FREM2: variants seen among roughly 807,000 people sequenced by gnomAD.
The protein encoded by FREM2 is FRAS1 related extracellular matrix 2.
A neutral mutation model predicts 219.9 loss-of-function variants in FREM2; 119 were observed. The ratio of observed to expected loss-of-function variants is 0.54; its 90% CI spans 0.47 to 0.63. FREM2 has a LOEUF of 0.63. Among genes scored for constraint, FREM2 ranks in the 30% least tolerant of loss-of-function variants. The pLI is 0.00. For missense variants in FREM2, 4,030 were observed against 3,993.6 expected (o/e 1.01, Z -0.25); for synonymous variants, 1,562 against 1,522.8 (o/e 1.03, Z -0.60).
At position 38,866,621 on chromosome 13, in the gene FREM2, C is replaced by T. The variant is rs192129521; in HGVS notation, c.7983+2015C>T. On this transcript the variant is annotated intron_variant, in intron 16 of 23. Coordinates refer to ENST00000280481, the MANE Select transcript of FREM2 (RefSeq NM_207361.6). The stretch of plus-strand genomic sequence containing the variant: ...GGCGGAGGTTGTGGTGAGCCGAGAT[C>T]GCGCCATTGCACTCCAGCCTGGGCA... 2.9e-4 allele frequency among the ~76,000 whole-genome samples: 44 copies of T among 150,394 alleles called. 1 individual carries two copies. In the East Asian group the frequency reaches 7.6e-3, roughly 26 times the overall value.
intron 16 of FREM2, 151 bp downstream of exon 16, chr13:38,864,757 G>A (rs866155621): frequency 1.4e-6 from 1 of 716,952 alleles, no homozygotes. Flanking sequence ...GGCATGGATG[G>A]TGTGAAAATC....
intron 2 of FREM2, among the ~76,000 whole-genome samples, chr13:38,755,440 G>A (rs1872958648): frequency 6.6e-6 from 1 of 152,092 alleles, no homozygotes; most frequent in Non-Finnish European, 1.5e-5. Flanking sequence ...GTGCTGCTTG[G>A]CCCCTGGTGT....
chr13:38,851,088 G>T lies in FREM2; in HGVS notation c.6722G>T (p.Arg2241Met). The change falls in exon 10 of 24, where the codon AGG (arginine) becomes ATG (methionine). Residue 2241 changes from arginine to methionine, a missense_variant. Coordinates refer to ENST00000280481, the MANE Select transcript of FREM2 (RefSeq NM_207361.6). The part of the protein sequence containing the change: ...AVGEQNETLI[R>M]IRDDADKTVI... Reference sequence around the variant, plus strand: ...GGTGAACAAAATGAAACTCTCATAAGGATCCGAGATGATGCTGATAGTAAG... The same window carrying T: ...GGTGAACAAAATGAAACTCTCATAATGATCCGAGATGATGCTGATAGTAAG... 2 of 1,613,854 alleles carry T rather than the reference G, an allele frequency of 1.2e-6. No homozygotes were observed. The highest frequency in any genetic ancestry group is 1.7e-6 in the Non-Finnish European group (2 of 1,179,952).
intron 2 of FREM2, among the ~76,000 whole-genome samples, chr13:38,758,321 C>T (rs561260046): frequency 6.6e-4 from 101 of 152,208 alleles, no homozygotes; most frequent in Non-Finnish European, 1.3e-3. Flanking sequence ...CTTCCAGGAA[C>T]GCCTTCCCCT....
At chr13:38,725,668 T>C (rs1414827308) in intron 2 of FREM2, among the ~76,000 whole-genome samples, 1 of 152,192 alleles carries the variant, frequency 6.6e-6, no homozygotes, top group East Asian at 1.9e-4. Context: ...AGCCTGTCAT[T>C]CAGACCCGTT....
chr13:38,864,274 G>A lies in FREM2; in HGVS notation c.7652-1G>A. On this transcript the variant is annotated splice_acceptor_variant, in intron 15 of 23. Coordinates refer to ENST00000280481, the MANE Select transcript of FREM2 (RefSeq NM_207361.6). LOFTEE classifies it high-confidence loss of function. ...TTAACAATGATTTCGATTTATCATAGGCATGCTCCCCGTGATCTCCACTAG... is the reference window on the plus strand; with the variant it reads ...TTAACAATGATTTCGATTTATCATAAGCATGCTCCCCGTGATCTCCACTAG... 1 of 1,610,394 alleles carries A rather than the reference G, an allele frequency of 6.2e-7. No homozygotes were observed. The highest frequency in any genetic ancestry group is 8.5e-7 in the Non-Finnish European group (1 of 1,177,540).
chr13:38,790,364 A>ATT (rs967715113), intron 6 of FREM2, among the ~76,000 whole-genome samples: 9 of 150,008 alleles, frequency 6.0e-5, no homozygotes, highest in African/African-American at 2.2e-4. Flanking sequence ...CTAGTACTCT[A>ATT]TTTTTTTTTC....
Position 38,851,679 on chromosome 13 carries a change from A to G in FREM2, c.6743-7A>G. On this transcript the variant is annotated splice_polypyrimidine_tract_variant and splice_region_variant and intron_variant, in intron 10 of 23. Coordinates refer to ENST00000280481, the MANE Select transcript of FREM2 (RefSeq NM_207361.6). ...ATTTCATTTGTCTTTGTTTCCCACA[A>G]TTTTAGAGACTGTTATTAAATTTGG... is the stretch of plus-strand genomic sequence containing the variant. 6.3e-7 allele frequency: 1 copy of G among 1,593,810 alleles called. No homozygotes were observed. The highest frequency in any genetic ancestry group is 1.1e-5 in the South Asian group (1 of 90,670).
At chr13:38,747,430 T>TG (rs1442658135) in intron 2 of FREM2, among the ~76,000 whole-genome samples, 4 of 151,188 alleles carry the variant, frequency 2.6e-5, no homozygotes, top group African/African-American at 7.3e-5. Flanking sequence ...TGTGTGTGTA[T>TG]TCATCTGTTG....
intron 2 of FREM2, among the ~76,000 whole-genome samples, chr13:38,754,901 G>GATGATTATTATTATTATTATTATTATT (rs56270131): frequency 1.2e-4 from 16 of 128,646 alleles, no homozygotes; most frequent in East Asian, 1.2e-3. Flanking sequence ...TGATGATGAT[G>GATGATTATTATTATTATTATTATTATT]ATTATTATTA....
intron 6 of FREM2, among the ~76,000 whole-genome samples, chr13:38,844,569 T>C (rs530266376): frequency 6.6e-6 from 1 of 152,350 alleles, no homozygotes; most frequent in South Asian, 2.1e-4. Flanking sequence ...GTTTAGCAGT[T>C]GTATATTCAC....
chr13:38,767,946 T>A (rs529811822), intron 3 of FREM2, among the ~76,000 whole-genome samples: 2 of 152,326 alleles, frequency 1.3e-5, no homozygotes, highest in Admixed American at 6.5e-5. Context: ...CACTTTAAGA[T>A]TAAAATAACA....
intron 2 of FREM2, among the ~76,000 whole-genome samples, chr13:38,734,422 A>G (rs1484418244): frequency 1.3e-5 from 2 of 152,186 alleles, no homozygotes; most frequent in Non-Finnish European, 2.9e-5. Flanking sequence ...ACTAGTTAAA[A>G]GACTTTTTCC....
intron 6 of FREM2, among the ~76,000 whole-genome samples, chr13:38,830,239 A>C (rs751935552): frequency 6.6e-5 from 10 of 152,208 alleles, no homozygotes; most frequent in Non-Finnish European, 1.5e-4. Flanking sequence ...ACAATGAATG[A>C]CAACACAAAT....
intron 2 of FREM2, among the ~76,000 whole-genome samples, chr13:38,763,921 C>T (rs1055535555): frequency 6.6e-6 from 1 of 152,140 alleles, no homozygotes; most frequent in Non-Finnish European, 1.5e-5. Flanking sequence ...TTTTTTAGAA[C>T]ATCACAAAGG....
intron 6 of FREM2, among the ~76,000 whole-genome samples, chr13:38,809,094 AT>A (rs967485409): frequency 3.3e-4 from 49 of 150,608 alleles, no homozygotes; most frequent in Middle Eastern, 3.4e-3. Context: ...TAAAATTGTT[AT>A]TTTTTTTCTT....
At chr13:38,734,762 T>C (rs1871914564) in intron 2 of FREM2, among the ~76,000 whole-genome samples, 2 of 145,502 alleles carry the variant, frequency 1.4e-5, no homozygotes, top group African/African-American at 5.3e-5. Context: ...TTTTTTTTTT[T>C]CTGAAACACA....
chr13:38,820,048 A>G (rs138976685), intron 6 of FREM2, among the ~76,000 whole-genome samples: 123 of 152,296 alleles, frequency 8.1e-4, no homozygotes, highest in African/African-American at 2.9e-3. Flanking sequence ...TTGAAATGTC[A>G]TAGATAATAG....
At position 38,856,157 on chromosome 13, in the gene FREM2, C is replaced by G. The variant is rs182710790; in HGVS notation, c.6957C>G (p.His2319Gln). 6.2e-7 allele frequency: 1 copy of G among 1,610,724 alleles called. No homozygotes were observed. The highest frequency in any genetic ancestry group is 8.5e-7 in the Non-Finnish European group (1 of 1,177,464). The change falls in exon 12 of 24, where the codon CAC becomes CAG. Residue 2319 changes from histidine (H) to glutamine (Q), a missense_variant. His to Gln is a conservative substitution (Grantham distance 24). Coordinates refer to ENST00000280481, the MANE Select transcript of FREM2 (RefSeq NM_207361.6). Reference sequence around the variant, plus strand: ...AGTTTAAGGAAGGGGAAACCCAGCACGTGGTTGAAATCGAAGTTACCTTTG... The same window carrying G: ...AGTTTAAGGAAGGGGAAACCCAGCAGGTGGTTGAAATCGAAGTTACCTTTG... The part of the protein sequence containing the change: ...EIEFKEGETQ[H>Q]VVEIEVTFDG...
Sources: gnomAD v4.1 joint callset for allele counts (sites outside exome capture counted in the v4.1 genomes callset) on GRCh38, gnomAD v4.1.1 for gene constraint, MANE v1.5 for transcripts, NCBI Gene and HGNC (gene_info 2026-07-23, HGNC 2026-07-21) for gene names.